Variants in PCDHGA11 observed in about 807,000 individuals in gnomAD.
The protein encoded by PCDHGA11 is protocadherin gamma-A11.
Under a neutral mutation model 60.4 loss-of-function variants are expected in PCDHGA11, and 39 were observed. The observed-to-expected ratio is 0.65, with a 90% CI of 0.50 to 0.84. PCDHGA11 has a LOEUF of 0.84. Among genes scored for constraint, PCDHGA11 ranks in the 40% least tolerant of loss-of-function variants. The pLI is 0.00. For missense variants in PCDHGA11, 1,165 were observed against 1,197.7 expected, an observed-to-expected ratio of 0.97 and a Z score of 0.40; for synonymous variants, 533 against 510.3, an observed-to-expected ratio of 1.04 and a Z score of -0.60.
Position 141,422,447 on chromosome 5 carries a change from C to G in PCDHGA11, c.1220C>G (p.Thr407Arg). ...TATGGAAATTATTACAAATTGATAA[C>G]AAGCAGAGTGCTGGACAGGGAGTTG... Reference protein sequence around the residue: ...KTYGNYYKLITSRVLDRELVQ... With the variant: ...KTYGNYYKLIRSRVLDRELVQ... Residue 407 changes from threonine to arginine, a missense_variant, in exon 1 of 4, where the codon ACA (threonine) becomes AGA (arginine). Coordinates refer to ENST00000398587, the MANE Select transcript of PCDHGA11 (RefSeq NM_018914.3). 2 of 1,610,922 alleles carry G rather than the reference C, an allele frequency of 1.2e-6. No homozygotes were observed. The highest frequency in any genetic ancestry group is 1.7e-6 in the Non-Finnish European group (2 of 1,179,116).
chr5:141,484,763 T>C (rs2099600495), intron 1 of PCDHGA11, among the ~76,000 whole-genome samples: 1 of 151,872 alleles, frequency 6.6e-6, no homozygotes, highest in East Asian at 1.9e-4. Flanking sequence ...TATATATATA[T>C]ATGTTGTCTG....
intron 1 of PCDHGA11, chr5:141,428,035 A>C (rs776717344): frequency 6.2e-7 from 1 of 1,607,926 alleles, no homozygotes; most frequent in Non-Finnish European, 8.5e-7. Context: ...GAGTCCGGCT[A>C]CCTGGTGACC....
chr5:141,484,907 C>T, intron 1 of PCDHGA11: 1 of 409,994 alleles, frequency 2.4e-6, no homozygotes, highest in Non-Finnish European at 4.3e-6. Context: ...AATGCTGCGA[C>T]GCATTAACCC....
At chr5:141,509,163 C>T (rs561329093) in intron 3 of PCDHGA11, among the ~76,000 whole-genome samples, 1 of 152,204 alleles carries the variant, frequency 6.6e-6, no homozygotes, top group East Asian at 1.9e-4. Context: ...CTCCCGTGTG[C>T]CCTCCTCCTC....
In PCDHGA11 at chr5:141,485,115, G is replaced by A. The variant is rs1043877839; in HGVS notation, c.2434-9692G>A. 6.9e-6 allele frequency: 9 copies of A among 1,300,470 alleles called. No individual in the cohort carries two copies. Among genetic ancestry groups the A allele is most frequent in the Non-Finnish European group, 1.1e-6 (1 of 911,406 alleles). 80.6% of individuals were successfully genotyped at this position (1,300,470 alleles called of 1,614,324 possible). ...GTGTCTCCAGCTGCTGTGGCTGTTT[G>A]GGGCGGGTCGGCTTCATCCGCGTCT... On this transcript the variant is annotated intron_variant, in intron 1 of 3. Coordinates refer to ENST00000398587, the MANE Select transcript of PCDHGA11 (RefSeq NM_018914.3). The surrounding 1 kb of genome is among the most constrained non-coding windows in gnomAD (Gnocchi z 5.7).
At chr5:141,425,209 A>ATCAT (rs1368049572) in intron 1 of PCDHGA11, among the ~76,000 whole-genome samples, 2 of 152,180 alleles carry the variant, frequency 1.3e-5, no homozygotes, top group Admixed American at 1.3e-4. Flanking sequence ...GATGTAAGGC[A>ATCAT]TTGTACTTTG....
At position 141,487,578 on chromosome 5, in the gene PCDHGA11, C is replaced by T. The variant is rs1293087014; in HGVS notation, c.2434-7229C>T. The T allele has an allele frequency of 1.2e-6, 2 of 1,614,052 alleles. No individual in the cohort carries two copies. Among genetic ancestry groups the T allele is most frequent in the Non-Finnish European group, 1.7e-6 (2 of 1,180,044 alleles). ...CCTATGGCAGGGGAGCCTGTTCGCC[C>T]AAGCTGCCCACCCTCTGATCTTCTC... On this transcript the variant is annotated intron_variant, in intron 1 of 3. Coordinates refer to ENST00000398587, the MANE Select transcript of PCDHGA11 (RefSeq NM_018914.3). The surrounding 1 kb of genome is among the most constrained non-coding windows in gnomAD (Gnocchi z 5.0).
intron 1 of PCDHGA11, among the ~76,000 whole-genome samples, chr5:141,445,597 G>T (rs2098471988): frequency 6.6e-6 from 1 of 152,200 alleles, no homozygotes; most frequent in African/African-American, 2.4e-5. Context: ...TAATCTGAAG[G>T]TCAAGGAAGG....
chr5:141,460,553 C>A (rs2098991893), intron 1 of PCDHGA11, among the ~76,000 whole-genome samples: 1 of 152,032 alleles, frequency 6.6e-6, no homozygotes. Context: ...AATCAAAAAT[C>A]ATTTGGCCAT....
rs1372368815 is a variant in PCDHGA11 at position 141,491,370 on chromosome 5, C to T, written c.2434-3437C>T. 3 of 1,614,038 alleles carry T rather than the reference C, an allele frequency of 1.9e-6. No individual in the cohort carries two copies. The highest frequency in any genetic ancestry group is 2.2e-5 in the East Asian group (1 of 44,880). ...GTCTCTTATCCCTAGTCACCTTCAC[C>T]TTTCTGTCAGCGAAGTGCCTTCAGG... On this transcript the variant is annotated intron_variant, in intron 1 of 3. Transcript: ENST00000398587. The surrounding 1 kb of genome is among the most constrained non-coding windows in gnomAD (Gnocchi z 6.9).
chr5:141,477,158 A>G lies in PCDHGA11; in HGVS notation c.2434-17649A>G, dbSNP rs1476516538. 1.2e-6 allele frequency: 2 copies of G among 1,614,154 alleles called. No individual in the cohort carries two copies. Among genetic ancestry groups the G allele is most frequent in the Non-Finnish European group, 1.7e-6 (2 of 1,180,018 alleles). ...GGTGGAGGTTGTGGATGTGAATGACAACGCCCCGGAGATCACAGTCACCTC... is the reference window on the plus strand; with the variant it reads ...GGTGGAGGTTGTGGATGTGAATGACGACGCCCCGGAGATCACAGTCACCTC... On this transcript the variant is annotated intron_variant, in intron 1 of 3. Coordinates refer to ENST00000398587, the MANE Select transcript of PCDHGA11 (RefSeq NM_018914.3). This position sits in a 1 kb window ranked among gnomAD's most constrained non-coding sequence, Gnocchi z 4.9.
At chr5:141,423,711 T>C (rs1479409204) in intron 1 of PCDHGA11, 51 bp downstream of exon 1, 1 of 1,330,004 alleles carries the variant, frequency 7.5e-7, no homozygotes, top group Non-Finnish European at 9.6e-7. Flanking sequence ...GCACAAGTCT[T>C]TTAAGGAGAT....
intron 1 of PCDHGA11, chr5:141,430,641 T>G: frequency 1.1e-6 from 1 of 902,670 alleles, no homozygotes. Context: ...TCCCTGGGAG[T>G]ATGTGGAAAC....
Position 141,490,520 on chromosome 5 carries a change from G to A in PCDHGA11, c.2434-4287G>A. 1 of 1,614,072 alleles carries A rather than the reference G, an allele frequency of 6.2e-7. No individual in the cohort carries two copies. Among genetic ancestry groups the A allele is most frequent in the Non-Finnish European group, 8.5e-7 (1 of 1,180,014 alleles). ...CACTATATCATCGAGCTGCTGGCCAGCGATGCTGGTTCACCTTCCCTACAC... is the reference window on the plus strand; with the variant it reads ...CACTATATCATCGAGCTGCTGGCCAACGATGCTGGTTCACCTTCCCTACAC... On this transcript the variant is annotated intron_variant, in intron 1 of 3. Coordinates refer to ENST00000398587, the MANE Select transcript of PCDHGA11 (RefSeq NM_018914.3). The surrounding 1 kb of genome is among the most constrained non-coding windows in gnomAD (Gnocchi z 5.4).
At chr5:141,447,834 C>T (rs2098552835) in intron 1 of PCDHGA11, among the ~76,000 whole-genome samples, 1 of 151,844 alleles carries the variant, frequency 6.6e-6, no homozygotes, top group African/African-American at 2.4e-5. Flanking sequence ...GCCTGTAATC[C>T]CAGTGCTTTG....
At chr5:141,430,737 A>G in intron 1 of PCDHGA11, 1 of 1,498,286 alleles carries the variant, frequency 6.7e-7, no homozygotes, top group South Asian at 1.4e-5. Flanking sequence ...CAGAATTGAA[A>G]ATAATTCTGG....
chr5:141,485,609 G>T lies in PCDHGA11; in HGVS notation c.2434-9198G>T. On this transcript the variant is annotated intron_variant, in intron 1 of 3. Coordinates refer to ENST00000398587, the MANE Select transcript of PCDHGA11 (RefSeq NM_018914.3). The surrounding 1 kb of genome is among the most constrained non-coding windows in gnomAD (Gnocchi z 5.7). ...GCTGGACTTGGAAATTGGGGAGGCA[G>T]CTCCTCCAGGACAGCGTTTCCCGTT... The T allele has an allele frequency of 6.2e-7, 1 of 1,612,256 alleles. No homozygotes were observed. Among genetic ancestry groups the T allele is most frequent in the Non-Finnish European group, 8.5e-7 (1 of 1,178,656 alleles).
chr5:141,423,234 C>A lies in PCDHGA11; in HGVS notation c.2007C>A (p.Ile669=), dbSNP rs1408925478. 6.2e-7 allele frequency: 1 copy of A among 1,613,800 alleles called. No homozygotes were observed. Among genetic ancestry groups the A allele is most frequent in the Non-Finnish European group, 8.5e-7 (1 of 1,180,036 alleles). Residue 669 remains isoleucine (I), a synonymous_variant, in exon 1 of 4, where the codon ATC becomes ATA. Transcript: ENST00000398587. The part of the protein sequence containing the change: ...VTLTVAVADS[I]PEVLADLGSL... ...TCACCGTGGCTGTGGCCGACAGCAT[C>A]CCCGAAGTCCTGGCGGACCTCGGCA...
chr5:141,439,333 G>A (rs964224344), intron 1 of PCDHGA11, among the ~76,000 whole-genome samples: 1 of 152,154 alleles, frequency 6.6e-6, no homozygotes, highest in Non-Finnish European at 1.5e-5. Flanking sequence ...TGGAAAGAAA[G>A]ATTCTAAGCC....
Sources: allele counts gnomAD v4.1 joint callset (sites outside exome capture counted in the v4.1 genomes callset), GRCh38; gene constraint gnomAD v4.1.1; non-coding constraint Gnocchi (gnomAD v3.1); transcripts MANE v1.5; gene names NCBI Gene and HGNC (gene_info 2026-07-23, HGNC 2026-07-21).